JPH1: variants seen among roughly 807,000 people sequenced by gnomAD.
JPH1 encodes the protein junctophilin-1.
Under a neutral mutation model 53.6 loss-of-function variants are expected in JPH1, and 12 were observed. The ratio of observed to expected loss-of-function variants is 0.22; its 90% CI spans 0.14 to 0.36. The LOEUF (loss-of-function observed/expected upper bound fraction) is 0.36, where lower values mean the gene tolerates loss of function less well. Among genes scored for constraint, JPH1 ranks in the 10% least tolerant of loss-of-function variants. The probability of loss-of-function intolerance (pLI) is 1.00; values close to 1 mark genes in which losing one functional copy is unlikely to be tolerated. For synonymous variants in JPH1, 375 were observed against 363.8 expected (o/e 1.03, Z -0.35); for missense variants, 808 against 905.5 (o/e 0.89, Z 1.38).
At chr8:74,241,153 TAGAA>T (rs1408715360) in intron 4 of JPH1, among the ~76,000 whole-genome samples, 10 of 152,156 alleles carry the variant, frequency 6.6e-5, no homozygotes, top group Non-Finnish European at 1.3e-4. Flanking sequence ...TGGCTCCACT[TAGAA>T]AGCTATTTTT....
chr8:74,294,328 C>T (rs1280453221), intron 2 of JPH1, among the ~76,000 whole-genome samples: 5 of 152,164 alleles, frequency 3.3e-5, no homozygotes, highest in South Asian at 2.1e-4. Flanking sequence ...ATTCACCTCT[C>T]GAGCTTCATT....
chr8:74,265,690 C>T (rs1295537278), intron 2 of JPH1, among the ~76,000 whole-genome samples: 4 of 151,968 alleles, frequency 2.6e-5, no homozygotes, highest in South Asian at 4.1e-4. Flanking sequence ...TGCAACCCAC[C>T]GAATGGGAGA....
At chr8:74,286,305 T>C (rs560103809) in intron 2 of JPH1, among the ~76,000 whole-genome samples, 6 of 152,204 alleles carry the variant, frequency 3.9e-5, no homozygotes, top group African/African-American at 1.2e-4. Flanking sequence ...ACATAATGAT[T>C]GTACACATTT....
intron 2 of JPH1, among the ~76,000 whole-genome samples, chr8:74,271,474 A>T (rs970586671): frequency 3.9e-5 from 6 of 152,186 alleles, no homozygotes; most frequent in Non-Finnish European, 8.8e-5. Flanking sequence ...CAATACAATC[A>T]TACTTGTCTT....
chr8:74,271,921 C>T (rs1283319488), intron 2 of JPH1, among the ~76,000 whole-genome samples: 4 of 152,282 alleles, frequency 2.6e-5, no homozygotes, highest in East Asian at 1.9e-4. Flanking sequence ...AGCTGGAAAA[C>T]GGCATTTGTT....
chr8:74,269,455 C>A (rs1330044628), intron 2 of JPH1, among the ~76,000 whole-genome samples: 1 of 152,184 alleles, frequency 6.6e-6, no homozygotes, highest in African/African-American at 2.4e-5. Context: ...TGTTTGGTGA[C>A]AAGGAATCAT....
chr8:74,238,281 T>C (rs1296981620), intron 4 of JPH1, among the ~76,000 whole-genome samples: 1 of 152,208 alleles, frequency 6.6e-6, no homozygotes, highest in Non-Finnish European at 1.5e-5. Flanking sequence ...AAAGTATTGA[T>C]GTTTTTTGGG....
chr8:74,310,388 T>C (rs1381547654), intron 2 of JPH1, among the ~76,000 whole-genome samples: 2 of 152,002 alleles, frequency 1.3e-5, no homozygotes, highest in Non-Finnish European at 2.9e-5. Flanking sequence ...GTAAATCTTA[T>C]AAACACAGTA....
chr8:74,295,156 C>T (rs1008794309), intron 2 of JPH1, among the ~76,000 whole-genome samples: 4 of 152,166 alleles, frequency 2.6e-5, no homozygotes, highest in Admixed American at 2.0e-4. Flanking sequence ...CTTTCTATTT[C>T]TAGAAACTCC....
chr8:74,298,125 G>A (rs1480494143), intron 2 of JPH1, among the ~76,000 whole-genome samples: 1 of 152,136 alleles, frequency 6.6e-6, no homozygotes, highest in African/African-American at 2.4e-5. Context: ...TCGGGAAGCT[G>A]CTAAGTGCTC....
chr8:74,271,636 T>C (rs1443521455), intron 2 of JPH1, among the ~76,000 whole-genome samples: 2 of 152,204 alleles, frequency 1.3e-5, no homozygotes, highest in African/African-American at 4.8e-5. Context: ...GGTGGAAACT[T>C]GTAAAATGTA....
chr8:74,240,109 C>G (rs575691593), intron 4 of JPH1, among the ~76,000 whole-genome samples: 33 of 152,072 alleles, frequency 2.2e-4, no homozygotes, highest in African/African-American at 7.0e-4. Context: ...GTAGCTGGGA[C>G]TACAGGTGTT....
At chr8:74,306,229 C>T (rs909218) in intron 2 of JPH1, among the ~76,000 whole-genome samples, 148,506 of 152,252 alleles carry the variant, frequency 0.98, 72,452 homozygotes, top group East Asian at 1. Flanking sequence ...CCTAACCCCT[C>T]GCTTGGAGGT....
intron 3 of JPH1, among the ~76,000 whole-genome samples, chr8:74,253,769 A>C (rs1806137861): frequency 6.6e-6 from 1 of 152,260 alleles, no homozygotes; most frequent in East Asian, 1.9e-4. Context: ...AAACACCTAT[A>C]CACAAATAAA....
At chr8:74,307,276 A>C (rs1807866735) in intron 2 of JPH1, among the ~76,000 whole-genome samples, 1 of 152,204 alleles carries the variant, frequency 6.6e-6, no homozygotes, top group Non-Finnish European at 1.5e-5. Flanking sequence ...CCTAAATAAC[A>C]ACTGCTATGT....
At chr8:74,262,370 T>C (rs1806418863) in intron 2 of JPH1, among the ~76,000 whole-genome samples, 1 of 152,190 alleles carries the variant, frequency 6.6e-6, no homozygotes, top group South Asian at 2.1e-4. Flanking sequence ...ACGACCCCTG[T>C]AATCAGTCAA....
chr8:74,295,201 G>A (rs1807469345), intron 2 of JPH1, among the ~76,000 whole-genome samples: 1 of 152,090 alleles, frequency 6.6e-6, no homozygotes, highest in Non-Finnish European at 1.5e-5. Context: ...CAAGACTCAA[G>A]TCTCTAGAAG....
intron 2 of JPH1, among the ~76,000 whole-genome samples, chr8:74,287,833 CT>C (rs988110042): frequency 1.4e-4 from 21 of 151,460 alleles, no homozygotes; most frequent in Admixed American, 1.1e-3. Context: ...AACAAAATAA[CT>C]TTTTTTTTGG....
chr8:74,237,993 T>C (rs188749647), intron 4 of JPH1, among the ~76,000 whole-genome samples: 9 of 152,326 alleles, frequency 5.9e-5, no homozygotes, highest in Admixed American at 2.6e-4. Flanking sequence ...ACCAGATAGT[T>C]GTCCAAGGGC....
Sources: gnomAD v4.1 joint callset for allele counts (sites outside exome capture counted in the v4.1 genomes callset) on GRCh38, gnomAD v4.1.1 for gene constraint, MANE v1.5 for transcripts, NCBI Gene and HGNC (gene_info 2026-07-23, HGNC 2026-07-21) for gene names.